Variants in OTOGL observed in about 807,000 individuals in gnomAD.
OTOGL encodes otogelin like, also known as otogelin-like protein.
In OTOGL, 285 loss-of-function variants were observed where a neutral mutation model predicts 318.5. The ratio of observed to expected loss-of-function variants is 0.89; its 90% CI spans 0.81 to 0.99. The LOEUF is 0.99. Among genes scored for constraint, OTOGL ranks in the 50% least tolerant of loss-of-function variants. OTOGL has a pLI of 0.00. For synonymous variants in OTOGL, 987 were observed against 936.5 expected (o/e 1.05, Z -0.99); for missense variants, 2,899 against 2,845.6 (o/e 1.02, Z -0.43).
rs759730744 is a variant in OTOGL, at chr12:80,197,499, G to A, written c.-19-11914G>A. On this transcript the variant is annotated intron_variant, in intron 1 of 58. Transcript: ENST00000547103. Reference sequence around the variant, plus strand: ...GCTGAGATTACAGGTATGAGCCACCGTGCCTGGCCAGAATAAATCTTTTTA... The same window carrying A: ...GCTGAGATTACAGGTATGAGCCACCATGCCTGGCCAGAATAAATCTTTTTA... Among the ~76,000 whole-genome samples the A allele has an allele frequency of 6.6e-5, 10 of 152,276 alleles. 1 individual carries two copies. Among genetic ancestry groups the A allele is most frequent in the Admixed American group, 6.5e-5 (1 of 15,298 alleles).
At chr12:80,298,952 T>C (rs1885586180) in intron 27 of OTOGL, among the ~76,000 whole-genome samples, 1 of 152,228 alleles carries the variant, frequency 6.6e-6, no homozygotes, top group African/African-American at 2.4e-5. Context: ...AACTGACCTA[T>C]ATTCTGAGAT....
At chr12:80,235,833 A>G (rs1284553029) in intron 9 of OTOGL, among the ~76,000 whole-genome samples, 1 of 152,228 alleles carries the variant, frequency 6.6e-6, no homozygotes, top group Non-Finnish European at 1.5e-5. Context: ...TTTGCTTCAC[A>G]GTATAAGGCA....
chr12:80,126,345 C>T (rs896492992), intron 1 of OTOGL, among the ~76,000 whole-genome samples: 4 of 152,094 alleles, frequency 2.6e-5, no homozygotes, highest in East Asian at 3.9e-4. Context: ...TGTAGTTGAG[C>T]GGTTTTGAGT....
chr12:80,320,407 C>G lies in OTOGL; in HGVS notation c.3803-15C>G. On this transcript the variant is annotated splice_polypyrimidine_tract_variant and intron_variant, in intron 33 of 58. Transcript: ENST00000547103. ...TTCCTTCTCCTGAGAATCCACACTG[C>G]TCTATATTTTACAGCATTAGCACTT... 1 of 1,601,516 alleles carries G rather than the reference C, an allele frequency of 6.2e-7. No homozygotes were observed. The highest frequency in any genetic ancestry group is 8.5e-7 in the Non-Finnish European group (1 of 1,172,776).
At chr12:80,129,618 T>C (rs556217282) in intron 1 of OTOGL, among the ~76,000 whole-genome samples, 124 of 152,300 alleles carry the variant, frequency 8.1e-4, no homozygotes, top group African/African-American at 2.8e-3. Flanking sequence ...CATTTTTTTT[T>C]TCTTTTACAT....
intron 1 of OTOGL, among the ~76,000 whole-genome samples, chr12:80,137,374 TA>T (rs1033701149): frequency 6.6e-6 from 1 of 152,152 alleles, no homozygotes; most frequent in Admixed American, 6.6e-5. Context: ...CTGTTTACAA[TA>T]AAAGACATTG....
intron 1 of OTOGL, among the ~76,000 whole-genome samples, chr12:80,122,136 T>C (rs941695495): frequency 6.6e-6 from 1 of 152,146 alleles, no homozygotes; most frequent in Non-Finnish European, 1.5e-5. Flanking sequence ...TTCAAAACTT[T>C]GAGTTGTTTA....
intron 1 of OTOGL, among the ~76,000 whole-genome samples, chr12:80,130,304 G>T (rs1182612370): frequency 6.6e-6 from 1 of 152,212 alleles, no homozygotes. Context: ...CAGCAAAGAT[G>T]CAGAGAAAAC....
At chr12:80,348,115 G>C (rs369346149) in intron 44 of OTOGL, among the ~76,000 whole-genome samples, 1 of 152,016 alleles carries the variant, frequency 6.6e-6, no homozygotes, top group Admixed American at 6.6e-5. Context: ...TGCAGAAGCT[G>C]TTTAGTTTAA....
At chr12:80,107,609 G>A (rs1255002131) in intron 1 of OTOGL, among the ~76,000 whole-genome samples, 2 of 151,960 alleles carry the variant, frequency 1.3e-5, no homozygotes, top group African/African-American at 4.8e-5. Context: ...GTATACACCC[G>A]AAAGAATATG....
chr12:80,101,674 G>A (rs73355062), intron 1 of OTOGL, among the ~76,000 whole-genome samples: 8,246 of 151,796 alleles, frequency 0.054, 732 homozygotes, highest in African/African-American at 0.19. Context: ...AAGTGTAAAA[G>A]CAGTTTTTTT....
intron 43 of OTOGL, among the ~76,000 whole-genome samples, chr12:80,339,707 G>A (rs1431428855): frequency 2.0e-5 from 3 of 151,944 alleles, no homozygotes; most frequent in Non-Finnish European, 2.9e-5. Context: ...TTTTTTAAAA[G>A]CTTGAAATCA....
chr12:80,345,670 G>T (rs1889152449), intron 44 of OTOGL, among the ~76,000 whole-genome samples: 1 of 151,906 alleles, frequency 6.6e-6, no homozygotes, highest in African/African-American at 2.4e-5. Flanking sequence ...CACAAAATTG[G>T]CTTATTTTGC....
At chr12:80,148,375 A>G (rs1872549159) in intron 1 of OTOGL, among the ~76,000 whole-genome samples, 1 of 149,580 alleles carries the variant, frequency 6.7e-6, no homozygotes, top group Non-Finnish European at 1.5e-5. Context: ...AATGTTGAAT[A>G]TTGGCCCCCA....
chr12:80,210,780 C>A, intron 2 of OTOGL, 67 bp from the exon 3 acceptor site: 1 of 1,106,648 alleles, frequency 9.0e-7, no homozygotes, highest in Non-Finnish European at 1.2e-6. Flanking sequence ...TTCTTTTAAA[C>A]AACTGGAACA....
chr12:80,376,420 T>C (rs1891178650), intron 57 of OTOGL, among the ~76,000 whole-genome samples: 2 of 152,190 alleles, frequency 1.3e-5, no homozygotes, highest in African/African-American at 4.8e-5. Context: ...TTTTTGTATC[T>C]TGATTCAGGG....
Position 80,378,109 on chromosome 12 carries a change from G to T in OTOGL, c.*61G>T. On this transcript the variant is annotated 3_prime_UTR_variant, in exon 59 of 59. Coordinates refer to ENST00000547103, the MANE Select transcript of OTOGL (RefSeq NM_001378609.3). Reference sequence around the variant, plus strand: ...ACGTCAGATAGAATTAACTTTTATTGCTATTACTTAGGCATGTGGCAGATT... The same window carrying T: ...ACGTCAGATAGAATTAACTTTTATTTCTATTACTTAGGCATGTGGCAGATT... 2 of 1,273,514 alleles carry T rather than the reference G, an allele frequency of 1.6e-6. No homozygotes were observed. The highest frequency in any genetic ancestry group is 2.2e-6 in the Non-Finnish European group (2 of 916,234). 78.9% of individuals were successfully genotyped at this position (1,273,514 alleles called of 1,614,324 possible). A position where few individuals can be genotyped will look rare whatever the true frequency, so the allele number is the denominator to read the frequency against.
At chr12:80,297,276 TC>T (rs1263762553) in intron 27 of OTOGL, among the ~76,000 whole-genome samples, 2 of 152,038 alleles carry the variant, frequency 1.3e-5, no homozygotes, top group Non-Finnish European at 2.9e-5. Context: ...TTTTAGTCTT[TC>T]CCCTCTTATT....
At chr12:80,153,785 T>C (rs1872939898) in intron 1 of OTOGL, among the ~76,000 whole-genome samples, 1 of 152,244 alleles carries the variant, frequency 6.6e-6, no homozygotes, top group Non-Finnish European at 1.5e-5. Context: ...TTTCCCAGAA[T>C]GTCACATAGT....
Sources: allele counts gnomAD v4.1 joint callset (sites outside exome capture counted in the v4.1 genomes callset), GRCh38; gene constraint gnomAD v4.1.1; transcripts MANE v1.5; gene names NCBI Gene and HGNC (gene_info 2026-07-23, HGNC 2026-07-21).